The following PTPRU variants were observed in gnomAD, a reference collection of about 807,000 sequenced individuals.
PTPRU encodes the protein protein tyrosine phosphatase receptor type U.
Under a neutral mutation model 166.3 loss-of-function variants are expected in PTPRU, and 69 were observed. The ratio of observed to expected loss-of-function variants is 0.41; its 90% CI spans 0.34 to 0.51. PTPRU has a LOEUF of 0.51. Ranked by LOEUF, PTPRU falls within the 20% of genes least tolerant of loss-of-function variation. The pLI, the probability that PTPRU is intolerant of heterozygous loss-of-function variation, is 0.09. For synonymous variants in PTPRU, 793 were observed against 814.0 expected (o/e 0.97, Z 0.44); for missense variants, 1,657 against 2,013.7 (o/e 0.82, Z 3.39).
chr1:29,251,664 G>A (rs774307704), intron 1 of PTPRU, among the ~76,000 whole-genome samples: 3 of 152,224 alleles, frequency 2.0e-5, no homozygotes, highest in Non-Finnish European at 4.4e-5. Context: ...CTGGCCGTTC[G>A]TGTGGCCTGG....
chr1:29,250,726 C>T (rs1684510411), intron 1 of PTPRU, among the ~76,000 whole-genome samples: 1 of 152,184 alleles, frequency 6.6e-6, no homozygotes. Flanking sequence ...TAGTGGCCTC[C>T]AGCAGGAGTT....
At chr1:29,243,790 C>T (rs1390431619) in intron 1 of PTPRU, among the ~76,000 whole-genome samples, 1 of 152,200 alleles carries the variant, frequency 6.6e-6, no homozygotes, top group African/African-American at 2.4e-5. Context: ...CATCTCGATG[C>T]CTCTGGGTGC....
At chr1:29,239,796 C>A (rs148143272) in intron 1 of PTPRU, among the ~76,000 whole-genome samples, 2 of 152,212 alleles carry the variant, frequency 1.3e-5, no homozygotes, top group East Asian at 3.9e-4. Context: ...CCTCAGCTAT[C>A]TTTCACCTGC....
rs762846687 is a variant in PTPRU at position 29,275,435 on chromosome 1, C to T, written c.1145-13C>T. On this transcript the variant is annotated splice_polypyrimidine_tract_variant and intron_variant, in intron 7 of 29. Coordinates refer to ENST00000373779, the MANE Select transcript of PTPRU (RefSeq NM_133178.4). ...TCTTCTAACTTCTTCTCTCTGCTTCCTGCATTCTCCAGAGCCCATGAGGGC... is the reference window on the plus strand; with the variant it reads ...TCTTCTAACTTCTTCTCTCTGCTTCTTGCATTCTCCAGAGCCCATGAGGGC... 6.3e-7 allele frequency: 1 copy of T among 1,599,084 alleles called. No individual in the cohort carries two copies. The highest frequency in any genetic ancestry group is 1.7e-5 in the Admixed American group (1 of 59,348).
At position 29,317,838 on chromosome 1, in the gene PTPRU, G is replaced by A. The variant is rs142593689; in HGVS notation, c.3604G>A (p.Val1202Ile). 2.0e-4 allele frequency: 327 copies of A among 1,613,860 alleles called. 5 individuals carry two copies. Among genetic ancestry groups the A allele is most frequent in the South Asian group, 1.7e-3 (157 of 91,084 alleles). Residue 1202 changes from valine (V) to isoleucine (I), a missense_variant, in exon 25 of 30, where the codon GTC becomes ATC. Val to Ile is a conservative substitution (Grantham distance 29, BLOSUM62 3). Around this residue, in one of 3 missense-constraint regions of PTPRU, gnomAD observed 1,190 missense variants for 1,477.4 expected, o/e 0.81. Transcript: ENST00000373779. The surrounding 1 kb of genome is among the most constrained non-coding windows in gnomAD (Gnocchi z 5.6). ...RNRDKNRSMD[V>I]LPPDRCLPFL... ...CCGCGACAAGAACCGCAGCATGGAC[G>A]TCCTGCCGCCCGACCGCTGCCTGCC...
rs1420335665 is a variant in PTPRU at position 29,236,604 on chromosome 1, C to T, written c.-41C>T. 5 of 1,213,440 alleles carry T rather than the reference C, an allele frequency of 4.1e-6. No individual in the cohort carries two copies. The highest frequency in any genetic ancestry group is 4.1e-6 in the Non-Finnish European group (4 of 976,206). The allele number at this position is 1,213,440 out of a possible 1,614,324, so 75.2% of individuals were successfully genotyped here. On this transcript the variant is annotated 5_prime_UTR_variant, in exon 1 of 30. Coordinates refer to ENST00000373779, the MANE Select transcript of PTPRU (RefSeq NM_133178.4). This position sits in a 1 kb window ranked among gnomAD's most constrained non-coding sequence, Gnocchi z 4.6. ...TGGGCTCGGGCTCCGGGGGCGGCGT[C>T]CCCCGCGCCGGGCCCCGGGACGGGC...
intron 15 of PTPRU, among the ~76,000 whole-genome samples, chr1:29,302,776 C>T (rs1474562200): frequency 6.6e-6 from 1 of 152,130 alleles, no homozygotes; most frequent in Non-Finnish European, 1.5e-5. Context: ...GTCTTGAACT[C>T]CTGACCTCAT....
rs1188823263 is a variant in PTPRU at position 29,320,644 on chromosome 1, G to A, written c.3688-41G>A. On this transcript the variant is annotated intron_variant, in intron 25 of 29. Coordinates refer to ENST00000373779, the MANE Select transcript of PTPRU (RefSeq NM_133178.4). The surrounding 1 kb of genome is among the most constrained non-coding windows in gnomAD (Gnocchi z 5.2). ...GGGCAGAGGCTCAGCCCAGGCCAGG[G>A]GCCGGGAACAGGGCCCTGCTGAGTT... 6.6e-7 allele frequency: 1 copy of A among 1,520,884 alleles called. No homozygotes were observed. Among genetic ancestry groups the A allele is most frequent in the East Asian group, 2.4e-5 (1 of 42,074 alleles). 94.2% of individuals were successfully genotyped at this position (1,520,884 alleles called of 1,614,324 possible). A position where few individuals can be genotyped will look rare whatever the true frequency, so the allele number is the denominator to read the frequency against.
At chr1:29,270,449 G>A (rs932438142) in intron 7 of PTPRU, among the ~76,000 whole-genome samples, 4 of 152,124 alleles carry the variant, frequency 2.6e-5, no homozygotes, top group Non-Finnish European at 4.4e-5. Flanking sequence ...TGGGACTACA[G>A]GCGCGCACCA....
chr1:29,303,831 C>G (rs1687253333), intron 15 of PTPRU, 24 bp from the exon 16 acceptor site: 9 of 1,584,788 alleles, frequency 5.7e-6, no homozygotes, highest in South Asian at 2.2e-5. Flanking sequence ...TGTCAAGAAC[C>G]CTTTTGTCTT....
At chr1:29,305,272 T>C (rs1687334138) in intron 17 of PTPRU, 80 bp from the exon 18 acceptor site, 1 of 1,402,222 alleles carries the variant, frequency 7.1e-7, no homozygotes. Context: ...CCCTATCCCC[T>C]AGCCTCCAGG....
At position 29,317,008 on chromosome 1, in the gene PTPRU, C is replaced by T. The variant is rs539010127; in HGVS notation, c.3514-740C>T. Among the ~76,000 whole-genome samples the T allele has an allele frequency of 1.3e-5, 2 of 152,120 alleles. No homozygotes were observed. Among genetic ancestry groups the T allele is most frequent in the Non-Finnish European group, 2.9e-5 (2 of 68,030 alleles). On this transcript the variant is annotated intron_variant, in intron 24 of 29. Coordinates refer to ENST00000373779, the MANE Select transcript of PTPRU (RefSeq NM_133178.4). This position sits in a 1 kb window ranked among gnomAD's most constrained non-coding sequence, Gnocchi z 5.6. ...CCACTCCAGGGTTCCTGCAGTGGCTCAGCAGGATGGCACGTGCTGGGGACC... is the reference window on the plus strand; with the variant it reads ...CCACTCCAGGGTTCCTGCAGTGGCTTAGCAGGATGGCACGTGCTGGGGACC...
intron 15 of PTPRU, 101 bp downstream of exon 15, chr1:29,292,127 A>C: frequency 7.1e-7 from 1 of 1,406,930 alleles, no homozygotes; most frequent in Non-Finnish European, 9.6e-7. Context: ...ACCTGCAACC[A>C]AAAGTGAAGC....
At chr1:29,269,777 G>A (rs1459628646) in intron 7 of PTPRU, among the ~76,000 whole-genome samples, 2 of 152,100 alleles carry the variant, frequency 1.3e-5, no homozygotes, top group Non-Finnish European at 2.9e-5. Flanking sequence ...TAGCCCAACA[G>A]CTGTTTTAAT....
chr1:29,245,766 C>T (rs1012424631), intron 1 of PTPRU, among the ~76,000 whole-genome samples: 4 of 152,154 alleles, frequency 2.6e-5, no homozygotes, highest in Admixed American at 2.6e-4. Context: ...AAGGTGAATT[C>T]TCCTGGGTTT....
At position 29,260,082 on chromosome 1, in the gene PTPRU, C is replaced by T. The variant is rs1335251639; in HGVS notation, c.850+38C>T. 9 of 1,366,966 alleles carry T rather than the reference C, an allele frequency of 6.6e-6. No individual in the cohort carries two copies. Among genetic ancestry groups the T allele is most frequent in the Non-Finnish European group, 8.4e-6 (9 of 1,065,224 alleles). 84.7% of individuals were successfully genotyped at this position (1,366,966 alleles called of 1,614,324 possible). A position where few individuals can be genotyped will look rare whatever the true frequency, so the allele number is the denominator to read the frequency against. On this transcript the variant is annotated intron_variant, in intron 6 of 29. Transcript: ENST00000373779. The surrounding 1 kb of genome is among the most constrained non-coding windows in gnomAD (Gnocchi z 8.3). ...ACGCCGGGGAGCGCCGGGACCTCAC[C>T]CTCGAGGGGCGGGGCCGGCGACGGG...
At chr1:29,288,550 G>C (rs542857892) in intron 14 of PTPRU, among the ~76,000 whole-genome samples, 1 of 152,280 alleles carries the variant, frequency 6.6e-6, no homozygotes, top group Admixed American at 6.5e-5. Flanking sequence ...CAGCGCCCTA[G>C]ACTCTCCCCT....
chr1:29,254,789 C>T (rs1310228578), intron 1 of PTPRU, among the ~76,000 whole-genome samples: 1 of 152,124 alleles, frequency 6.6e-6, no homozygotes, highest in African/African-American at 2.4e-5. Flanking sequence ...GGGCAGGTGA[C>T]AGAACACTGA....
chr1:29,294,291 A>G lies in PTPRU; in HGVS notation c.2476+2265A>G, dbSNP rs556916763. On this transcript the variant is annotated intron_variant, in intron 15 of 29. Transcript: ENST00000373779. ...AGTTTGTATAAAATGGTAATTCTCT[A>G]TAGTCTTAATTTGCATTTCACTGAT... 3.9e-5 allele frequency among the ~76,000 whole-genome samples: 6 copies of G among 152,298 alleles called. No homozygotes were observed. The East Asian group carries it at 7.7e-4, about 20-fold the overall frequency.
Sources: allele counts gnomAD v4.1 joint callset (sites outside exome capture counted in the v4.1 genomes callset), GRCh38; gene constraint gnomAD v4.1.1; regional missense constraint gnomAD v4.1.1; non-coding constraint Gnocchi (gnomAD v3.1); transcripts MANE v1.5; gene names NCBI Gene and HGNC (gene_info 2026-07-23, HGNC 2026-07-21).